Variants in IQCJ observed in about 807,000 individuals in gnomAD.
IQCJ encodes IQ motif containing J.
In IQCJ, 9 loss-of-function variants were observed where a neutral mutation model predicts 11.0. The ratio of observed to expected loss-of-function variants is 0.82; its 90% CI spans 0.49 to 1.43. The LOEUF (loss-of-function observed/expected upper bound fraction) is 1.43, where lower values mean the gene tolerates loss of function less well. Ranked by LOEUF, IQCJ falls within the 40% of genes most tolerant of loss-of-function variation. The pLI is 0.00. For missense variants in IQCJ, 146 were observed against 133.2 expected (o/e 1.10, Z -0.47); for synonymous variants, 55 against 51.3 (o/e 1.07, Z -0.31).
chr3:159,088,747 C>T (rs1259714725), intron 1 of IQCJ, among the ~76,000 whole-genome samples: 4 of 149,486 alleles, frequency 2.7e-5, no homozygotes, highest in Admixed American at 6.8e-5. Flanking sequence ...GCAACCCCTG[C>T]CTTTTTTTGT....
intron 1 of IQCJ, among the ~76,000 whole-genome samples, chr3:159,106,640 C>T (rs572183346): frequency 1.3e-5 from 2 of 152,168 alleles, no homozygotes; most frequent in Non-Finnish European, 2.9e-5. Flanking sequence ...ATTCTCCAGA[C>T]ACTAACTAGG....
chr3:159,086,901 C>T (rs1480104611), intron 1 of IQCJ, among the ~76,000 whole-genome samples: 1 of 152,010 alleles, frequency 6.6e-6, no homozygotes, highest in East Asian at 1.9e-4. Context: ...TAATTGAATA[C>T]CCTTTATTTC....
At chr3:159,207,899 A>G (rs1216466396) in intron 1 of IQCJ, among the ~76,000 whole-genome samples, 1 of 152,238 alleles carries the variant, frequency 6.6e-6, no homozygotes, top group Non-Finnish European at 1.5e-5. Flanking sequence ...AAACAAATGC[A>G]GGCAGATCTT....
At chr3:159,235,626 C>A (rs771292443) in intron 1 of IQCJ, among the ~76,000 whole-genome samples, 1 of 152,058 alleles carries the variant, frequency 6.6e-6, no homozygotes, top group South Asian at 2.1e-4. Flanking sequence ...CCAGAAGTAC[C>A]CTTCTACTCT....
chr3:159,262,112 C>T (rs928465051), intron 3 of IQCJ, among the ~76,000 whole-genome samples: 2 of 152,240 alleles, frequency 1.3e-5, no homozygotes, highest in African/African-American at 4.8e-5. Context: ...GAGTCTACAG[C>T]TGACCCTGGC....
At chr3:159,199,806 A>G (rs566848409) in intron 1 of IQCJ, among the ~76,000 whole-genome samples, 1 of 152,012 alleles carries the variant, frequency 6.6e-6, no homozygotes, top group South Asian at 2.1e-4. Context: ...AGTATCTTCA[A>G]AGTAGTCCAG....
rs888446614 is a variant in IQCJ, at chr3:159,263,679, T to C, written c.*948T>C. 2.4e-5 allele frequency: 24 copies of C among 985,468 alleles called. No individual in the cohort carries two copies. Among genetic ancestry groups the C allele is most frequent in the Non-Finnish European group, 2.9e-5 (24 of 829,928 alleles). 61.0% of individuals were successfully genotyped at this position (985,468 alleles called of 1,614,324 possible). ...CAACACTCAACGCAATGTATTCTTT[T>C]TGGGATCAGGTAAAAGTTACTGTAT... On this transcript the variant is annotated 3_prime_UTR_variant, in exon 4 of 4. Coordinates refer to ENST00000397832, the MANE Select transcript of IQCJ (RefSeq NM_001042706.3).
At chr3:159,093,558 A>G (rs748281755) in intron 1 of IQCJ, among the ~76,000 whole-genome samples, 2 of 151,760 alleles carry the variant, frequency 1.3e-5, no homozygotes, top group African/African-American at 2.4e-5. Flanking sequence ...GCCTGGCAGG[A>G]CAGGGTCTAC....
intron 1 of IQCJ, among the ~76,000 whole-genome samples, chr3:159,224,281 A>T (rs1725717281): frequency 6.6e-6 from 1 of 152,154 alleles, no homozygotes. Context: ...AATAATAGTA[A>T]TTAGAAATAC....
At chr3:159,095,192 T>C (rs1297986806) in intron 1 of IQCJ, among the ~76,000 whole-genome samples, 1 of 151,850 alleles carries the variant, frequency 6.6e-6, no homozygotes, top group East Asian at 1.9e-4. Flanking sequence ...AACCGACCAT[T>C]AAGCTATATT....
At chr3:159,220,182 G>C (rs994308892) in intron 1 of IQCJ, among the ~76,000 whole-genome samples, 1 of 152,128 alleles carries the variant, frequency 6.6e-6, no homozygotes, top group South Asian at 2.1e-4. Flanking sequence ...TGGGAAAAGG[G>C]TTATGGGGAT....
At chr3:159,221,609 G>A (rs1365350966) in intron 1 of IQCJ, among the ~76,000 whole-genome samples, 1 of 152,150 alleles carries the variant, frequency 6.6e-6, no homozygotes, top group East Asian at 1.9e-4. Flanking sequence ...GCTTGGAGAT[G>A]TGAATGTGGA....
At chr3:159,148,078 A>C (rs1267482582) in intron 1 of IQCJ, among the ~76,000 whole-genome samples, 2 of 152,254 alleles carry the variant, frequency 1.3e-5, no homozygotes, top group Admixed American at 1.3e-4. Context: ...TAGTATGTCC[A>C]TTGTTGAACT....
intron 1 of IQCJ, among the ~76,000 whole-genome samples, chr3:159,094,618 C>T (rs571320904): frequency 6.6e-5 from 10 of 151,672 alleles, no homozygotes; most frequent in Non-Finnish European, 1.3e-4. Context: ...CAATGTGTCA[C>T]CCTGGGATGA....
chr3:159,243,996 AG>A (rs1364753657), intron 1 of IQCJ, among the ~76,000 whole-genome samples: 3 of 152,220 alleles, frequency 2.0e-5, no homozygotes, highest in African/African-American at 7.2e-5. Flanking sequence ...TCTGGTTCTT[AG>A]GTTTAACTCT....
At chr3:159,191,372 A>T (rs1402200189) in intron 1 of IQCJ, among the ~76,000 whole-genome samples, 1 of 152,134 alleles carries the variant, frequency 6.6e-6, no homozygotes, top group African/African-American at 2.4e-5. Flanking sequence ...AGGACCTAAG[A>T]TGATTTTGTC....
rs534561064 is a variant in IQCJ at position 159,245,330 on chromosome 3, G to T, written c.10-513G>T. 5.9e-5 allele frequency among the ~76,000 whole-genome samples: 9 copies of T among 151,434 alleles called. No homozygotes were observed. In the East Asian group the frequency reaches 1.8e-3, roughly 29 times the overall value. On this transcript the variant is annotated intron_variant, in intron 1 of 3. Coordinates refer to ENST00000397832, the MANE Select transcript of IQCJ (RefSeq NM_001042706.3). Reference sequence around the variant, plus strand: ...AAACATATCCAAATTCTGAAAAACTGATAGGAAACATTAGTGAGTAAAAAA... The same window carrying T: ...AAACATATCCAAATTCTGAAAAACTTATAGGAAACATTAGTGAGTAAAAAA...
intron 1 of IQCJ, among the ~76,000 whole-genome samples, chr3:159,234,988 G>A (rs1726492012): frequency 6.6e-6 from 1 of 152,134 alleles, no homozygotes; most frequent in African/African-American, 2.4e-5. Flanking sequence ...TGTTCTGATT[G>A]CCTGCACTTT....
chr3:159,265,262 G>A (rs1728435272), downstream of IQCJ: 1 of 1,613,698 alleles, frequency 6.2e-7, no homozygotes, highest in Non-Finnish European at 8.5e-7. Flanking sequence ...TCTCTTGGAG[G>A]TTGCAGTCAC....
Sources: gnomAD v4.1 joint callset for allele counts (sites outside exome capture counted in the v4.1 genomes callset) on GRCh38, gnomAD v4.1.1 for gene constraint, MANE v1.5 for transcripts, NCBI Gene and HGNC (gene_info 2026-07-23, HGNC 2026-07-21) for gene names.